The following KIF21A variants were observed in gnomAD, a reference collection of about 807,000 sequenced individuals.
KIF21A encodes the protein kinesin-like protein KIF21A.
In KIF21A, 114 loss-of-function variants were observed where a neutral mutation model predicts 202.9. That is an observed-to-expected ratio of 0.56 (90% confidence interval 0.48 to 0.66). The LOEUF is 0.66. Among genes scored for constraint, KIF21A ranks in the 30% least tolerant of loss-of-function variants. The pLI, the probability that KIF21A is intolerant of heterozygous loss-of-function variation, is 0.00. For synonymous variants in KIF21A, 667 were observed against 670.8 expected, an observed-to-expected ratio of 0.99 and a Z score of 0.09; for missense variants, 1,677 against 1,994.9, an observed-to-expected ratio of 0.84 and a Z score of 3.04.
intron 28 of KIF21A, 131 bp from the exon 29 acceptor site, chr12:39,318,332 TG>T (rs1226094503): frequency 2.3e-6 from 2 of 877,766 alleles, no homozygotes; most frequent in African/African-American, 3.4e-5. Flanking sequence ...CTTCCTTTTT[TG>T]TAAGATAAAA....
intron 1 of KIF21A, among the ~76,000 whole-genome samples, chr12:39,432,370 T>A (rs2140368071): frequency 6.6e-6 from 1 of 152,294 alleles, no homozygotes; most frequent in Non-Finnish European, 1.5e-5. Flanking sequence ...TCAATTCCAA[T>A]AAACACTCTT....
intron 12 of KIF21A, among the ~76,000 whole-genome samples, chr12:39,342,860 C>G (rs994582634): frequency 6.6e-6 from 1 of 152,216 alleles, no homozygotes; most frequent in Non-Finnish European, 1.5e-5. Context: ...ACAGCCATAA[C>G]TACACACATA....
chr12:39,331,748 C>G lies in KIF21A; in HGVS notation c.3095G>C (p.Cys1032Ser). The G allele has an allele frequency of 3.7e-6, 6 of 1,613,526 alleles. No individual in the cohort carries two copies. Among genetic ancestry groups the G allele is most frequent in the Non-Finnish European group, 5.1e-6 (6 of 1,179,604 alleles). ...TLDVTAVINA[C>S]TLTEARYLLD... is the part of the protein sequence containing the mutation. ...CAGGTATCGGGCTTCTGTAAGGGTG[C>G]AGGCATTAATGACTGCAGTAACATC... The change falls in exon 22 of 38, where the codon TGC becomes TCC. Residue 1032 changes from cysteine to serine, a missense_variant. Around this residue, in one of 3 missense-constraint regions of KIF21A, gnomAD observed 705 missense variants for 791.9 expected, o/e 0.89. Coordinates refer to ENST00000361418, the MANE Select transcript of KIF21A (RefSeq NM_001173464.2).
chr12:39,422,672 G>C (rs17127115), intron 1 of KIF21A, among the ~76,000 whole-genome samples: 12,362 of 152,202 alleles, frequency 0.081, 638 homozygotes, highest in South Asian at 0.28. Flanking sequence ...AGGCCTTCAA[G>C]TTGTTCTTTG....
chr12:39,442,886 A>AACCCGCC lies in KIF21A; in HGVS notation c.44+34_44+40dup. 1 of 1,522,386 alleles carries AACCCGCC rather than the reference A, an allele frequency of 6.6e-7. No homozygotes were observed. The highest frequency in any genetic ancestry group is 8.8e-7 in the Non-Finnish European group (1 of 1,141,562). The allele number at this position is 1,522,386 out of a possible 1,614,324, so 94.3% of individuals were successfully genotyped here. ...ACAGCCAGGTCCTTGCCGCGCCCTC[A>AACCCGCC]ACCCGCCGCCCGCCGCCCGCCGCCG... On this transcript the variant is annotated intron_variant, in intron 1 of 37. Coordinates refer to ENST00000361418, the MANE Select transcript of KIF21A (RefSeq NM_001173464.2). The surrounding 1 kb of genome is among the most constrained non-coding windows in gnomAD (Gnocchi z 5.0).
At chr12:39,436,410 G>A (rs1394721908) in intron 1 of KIF21A, among the ~76,000 whole-genome samples, 2 of 112,434 alleles carry the variant, frequency 1.8e-5, no homozygotes, top group African/African-American at 3.8e-5. Context: ...ATAATTATAA[G>A]GGTTTACTAT....
At chr12:39,437,111 T>G (rs965619741) in intron 1 of KIF21A, among the ~76,000 whole-genome samples, 1 of 152,198 alleles carries the variant, frequency 6.6e-6, no homozygotes, top group Non-Finnish European at 1.5e-5. Context: ...CAAGTCAATT[T>G]ATTTGAGGAG....
At chr12:39,421,742 T>TATATATAC (rs1555200427) in intron 1 of KIF21A, among the ~76,000 whole-genome samples, 15 of 143,006 alleles carry the variant, frequency 1.0e-4, no homozygotes, top group Admixed American at 3.6e-4. Flanking sequence ...TATATATATA[T>TATATATAC]ACACATACAC....
At chr12:39,344,648 C>T (rs938633744) in intron 12 of KIF21A, among the ~76,000 whole-genome samples, 5 of 152,082 alleles carry the variant, frequency 3.3e-5, no homozygotes, top group African/African-American at 1.2e-4. Flanking sequence ...ATAAGTCATT[C>T]GTGCCACTTC....
At chr12:39,311,608 T>C (rs767380907) in intron 31 of KIF21A, 55 bp from the exon 32 acceptor site, 1 of 1,599,270 alleles carries the variant, frequency 6.3e-7, no homozygotes, top group Non-Finnish European at 8.6e-7. Flanking sequence ...CATGAGACTA[T>C]ATCATGAGAC....
At chr12:39,415,793 CAAT>C in intron 1 of KIF21A, among the ~76,000 whole-genome samples, 1 of 152,178 alleles carries the variant, frequency 6.6e-6, no homozygotes, top group Non-Finnish European at 1.5e-5. Context: ...TCTATTCCAA[CAAT>C]GTTGGCCTGC....
chr12:39,324,310 A>C (rs1429127464), intron 26 of KIF21A, among the ~76,000 whole-genome samples: 3 of 152,184 alleles, frequency 2.0e-5, no homozygotes, highest in African/African-American at 7.2e-5. Context: ...TTCTTTCAGG[A>C]GATGACCTTT....
chr12:39,408,349 G>T (rs751070827), intron 1 of KIF21A, among the ~76,000 whole-genome samples: 16 of 152,160 alleles, frequency 1.1e-4, no homozygotes, highest in Middle Eastern at 3.4e-3. Flanking sequence ...CCACTGATCT[G>T]ACAGGAGGCA....
chr12:39,423,652 C>T (rs1592687374), intron 1 of KIF21A, among the ~76,000 whole-genome samples: 3 of 151,918 alleles, frequency 2.0e-5, no homozygotes, highest in Admixed American at 6.6e-5. Context: ...AGTTTGAGAC[C>T]AGCCTGACCA....
At chr12:39,380,305 A>T (rs1048626095) in intron 1 of KIF21A, among the ~76,000 whole-genome samples, 1 of 152,172 alleles carries the variant, frequency 6.6e-6, no homozygotes, top group Non-Finnish European at 1.5e-5. Context: ...CTGTGTGATC[A>T]TTCCTTTCAC....
chr12:39,442,913 C>T lies in KIF21A; in HGVS notation c.44+14G>A. 1 of 1,524,478 alleles carries T rather than the reference C, an allele frequency of 6.6e-7. No homozygotes were observed. Among genetic ancestry groups the T allele is most frequent in the Non-Finnish European group, 8.8e-7 (1 of 1,142,658 alleles). The allele number at this position is 1,524,478 out of a possible 1,614,324, so 94.4% of individuals were successfully genotyped here. On this transcript the variant is annotated intron_variant, in intron 1 of 37. Transcript: ENST00000361418. The surrounding 1 kb of genome is among the most constrained non-coding windows in gnomAD (Gnocchi z 5.0). ...CCCGCCGCCCGCCGCCCGCCGCCGG[C>T]AGACTGTCCTCACCTGACAGCCACC...
At chr12:39,426,394 T>G (rs1954755162) in intron 1 of KIF21A, among the ~76,000 whole-genome samples, 1 of 152,198 alleles carries the variant, frequency 6.6e-6, no homozygotes, top group African/African-American at 2.4e-5. Flanking sequence ...TATTTGCATT[T>G]AACATATGTG....
intron 27 of KIF21A, chr12:39,321,517 A>T (rs1945255184): frequency 6.6e-6 from 1 of 152,234 alleles, no homozygotes; most frequent in South Asian, 2.1e-4. Flanking sequence ...AAAGCAATGA[A>T]GCCATAAACT....
intron 23 of KIF21A, 103 bp from the exon 24 acceptor site, chr12:39,330,365 T>A: frequency 9.9e-7 from 1 of 1,007,122 alleles, no homozygotes. Context: ...ACCATTTACA[T>A]GTAGAATAGA....
Sources: allele counts gnomAD v4.1 joint callset (sites outside exome capture counted in the v4.1 genomes callset), GRCh38; gene constraint gnomAD v4.1.1; regional missense constraint gnomAD v4.1.1; non-coding constraint Gnocchi (gnomAD v3.1); transcripts MANE v1.5; gene names NCBI Gene and HGNC (gene_info 2026-07-23, HGNC 2026-07-21).